The following MYO9B variants were observed in gnomAD, a reference collection of about 807,000 sequenced individuals.
MYO9B encodes the protein unconventional myosin-IXb.
A neutral mutation model predicts 229.5 loss-of-function variants in MYO9B; 71 were observed. That is an observed-to-expected ratio of 0.31 (90% CI 0.26 to 0.38). The LOEUF is 0.38. Ranked by LOEUF, MYO9B falls within the 10% of genes least tolerant of loss-of-function variation. The probability of loss-of-function intolerance (pLI) is 1.00; values close to 1 mark genes in which losing one functional copy is unlikely to be tolerated. For synonymous variants in MYO9B, 1,185 were observed against 1,235.8 expected, an observed-to-expected ratio of 0.96 and a Z score of 0.86; for missense variants, 2,255 against 2,920.5, an observed-to-expected ratio of 0.77 and a Z score of 5.25.
chr19:17,168,198 T>A, intron 11 of MYO9B, 134 bp downstream of exon 11: 1 of 1,234,780 alleles, frequency 8.1e-7, no homozygotes, highest in Non-Finnish European at 1.1e-6. Flanking sequence ...AGGGTCTCAC[T>A]CTGTCACCCA....
intron 2 of MYO9B, among the ~76,000 whole-genome samples, chr19:17,112,729 C>G (rs906305927): frequency 2.0e-5 from 3 of 152,212 alleles, no homozygotes; most frequent in Admixed American, 2.0e-4. Context: ...CACAAAGAAT[C>G]CCGCAGCCCC....
intron 2 of MYO9B, among the ~76,000 whole-genome samples, chr19:17,142,730 T>C (rs77221622): frequency 0.01 from 1,528 of 152,294 alleles, 25 homozygotes; most frequent in African/African-American, 0.034. Flanking sequence ...GAAGAGGTTT[T>C]TCACGTCAGG....
intron 15 of MYO9B, among the ~76,000 whole-genome samples, chr19:17,181,737 CT>C (rs1256471921): frequency 6.6e-6 from 1 of 151,738 alleles, no homozygotes; most frequent in Non-Finnish European, 1.5e-5. Context: ...GAGCCAGTTT[CT>C]TTCTTTCTTT....
chr19:17,102,264 C>G lies in MYO9B; in HGVS notation c.547C>G (p.Leu183Val), dbSNP rs746810478. 6.2e-6 allele frequency: 10 copies of G among 1,613,938 alleles called. 1 individual carries two copies. In the East Asian group the frequency reaches 1.3e-4, roughly 22 times the overall value. The change falls in exon 2 of 40, where the codon CTG becomes GTG. Residue 183 changes from leucine (L) to valine (V), a missense_variant. Physicochemically the swap from Leu to Val is conservative, Grantham distance 32. Transcript: ENST00000682292. The part of the protein sequence containing the change: ...QKIYTYAGSI[L>V]VAINPFKFLP... ...GATCTACACGTACGCGGGGAGCATCCTGGTGGCCATCAACCCCTTTAAGTT... is the reference window on the plus strand; with the variant it reads ...GATCTACACGTACGCGGGGAGCATCGTGGTGGCCATCAACCCCTTTAAGTT...
intron 7 of MYO9B, 39 bp downstream of exon 7, chr19:17,157,077 C>T (rs1352011121): frequency 1.9e-6 from 3 of 1,596,474 alleles, no homozygotes; most frequent in South Asian, 1.1e-5. Flanking sequence ...AGGCCTGGCT[C>T]AGGGCCGCTG....
chr19:17,088,743 T>A (rs2057608430), intron 1 of MYO9B, among the ~76,000 whole-genome samples: 1 of 152,172 alleles, frequency 6.6e-6, no homozygotes, highest in Non-Finnish European at 1.5e-5. Flanking sequence ...CAGGCTGGAG[T>A]GCAGTGGCGC....
intron 2 of MYO9B, among the ~76,000 whole-genome samples, chr19:17,121,463 A>ATATATATATATATATATCTATC (rs1030275525): frequency 6.7e-6 from 1 of 149,904 alleles, no homozygotes; most frequent in African/African-American, 2.5e-5. Flanking sequence ...ATATATATAT[A>ATATATATATATATATATCTATC]TCCAAGAGCT....
chr19:17,102,159 T>C lies in MYO9B; in HGVS notation c.442T>C (p.Phe148Leu). Residue 148 changes from phenylalanine to leucine, a missense_variant, in exon 2 of 40, where the codon TTT becomes CTT. Physicochemically the swap from Phe to Leu is conservative, Grantham distance 22. This residue lies in a region of MYO9B where 386 missense variants were observed against 515.2 expected (regional missense o/e 0.75). Transcript: ENST00000682292. ...CCTCCTGCCACGGCAGCAGGCGGAC[T>C]TTGATGACCTGTGTAACCTCCCCGA... ...RGLLPRQQAD[F>L]DDLCNLPELT... The C allele has an allele frequency of 1.2e-6, 2 of 1,613,810 alleles. No individual in the cohort carries two copies. The highest frequency in any genetic ancestry group is 1.7e-6 in the Non-Finnish European group (2 of 1,179,872).
intron 30 of MYO9B, among the ~76,000 whole-genome samples, chr19:17,203,818 T>C (rs1197921344): frequency 6.6e-6 from 1 of 151,884 alleles, no homozygotes; most frequent in Non-Finnish European, 1.5e-5. Context: ...TGCCTCTCTG[T>C]CTCTGTACAC....
chr19:17,099,392 G>A (rs951992076), intron 1 of MYO9B: 1 of 152,132 alleles, frequency 6.6e-6, no homozygotes, highest in Non-Finnish European at 1.5e-5. Context: ...AGGAGGGTGA[G>A]GGTGAACAAA....
chr19:17,080,461 C>A (rs140538952), intron 1 of MYO9B, among the ~76,000 whole-genome samples: 1 of 152,166 alleles, frequency 6.6e-6, no homozygotes, highest in Non-Finnish European at 1.5e-5. Context: ...GTCTTCACAT[C>A]GTCCTCCCTC....
intron 15 of MYO9B, among the ~76,000 whole-genome samples, chr19:17,183,419 TC>T (rs1212250024): frequency 6.6e-6 from 1 of 152,012 alleles, no homozygotes; most frequent in Non-Finnish European, 1.5e-5. Flanking sequence ...CTGCTCAGGC[TC>T]CCTCCGCCCC....
rs1395412830 is a variant in MYO9B, at chr19:17,148,961, A to G, written c.935+3470A>G. ...GGATGATCCTGAGGCCTTTAACTTA[A>G]TGGCCTCTGCAAAGATCCTTTTTTA... On this transcript the variant is annotated intron_variant, in intron 3 of 39. Transcript: ENST00000682292. Among the ~76,000 whole-genome samples the G allele has an allele frequency of 2.6e-5, 4 of 151,952 alleles. No individual in the cohort carries two copies. The East Asian group carries it at 5.8e-4, about 22-fold the overall frequency.
chr19:17,210,681 G>T, intron 37 of MYO9B, 34 bp from the exon 38 acceptor site: 2 of 1,505,068 alleles, frequency 1.3e-6, no homozygotes, highest in Non-Finnish European at 1.8e-6. Context: ...CCCACTCAGA[G>T]ATGTCAGTGG....
chr19:17,172,637 G>T lies in MYO9B; in HGVS notation c.1936-122G>T. 1.4e-6 allele frequency: 2 copies of T among 1,467,764 alleles called. No homozygotes were observed. The highest frequency in any genetic ancestry group is 1.2e-5 in the South Asian group (1 of 81,594). 90.9% of individuals were successfully genotyped at this position (1,467,764 alleles called of 1,614,324 possible). A position where few individuals can be genotyped will look rare whatever the true frequency, so the allele number is the denominator to read the frequency against. ...TCCAAGGCGCCATAGTTCAAGAACTGCCATTTGCACTTAGGATGGGCCCCA... is the reference window on the plus strand; with the variant it reads ...TCCAAGGCGCCATAGTTCAAGAACTTCCATTTGCACTTAGGATGGGCCCCA... On this transcript the variant is annotated intron_variant, in intron 12 of 39. Coordinates refer to ENST00000682292, the MANE Select transcript of MYO9B (RefSeq NM_004145.4). This position sits in a 1 kb window ranked among gnomAD's most constrained non-coding sequence, Gnocchi z 8.2.
chr19:17,086,842 T>G (rs1258157988), intron 1 of MYO9B, among the ~76,000 whole-genome samples: 2 of 150,460 alleles, frequency 1.3e-5, no homozygotes, highest in Non-Finnish European at 2.9e-5. Context: ...ATAGCGCTAC[T>G]GCACTTCAGC....
At position 17,165,616 on chromosome 19, in the gene MYO9B, T is replaced by A. The variant is rs934518607; in HGVS notation, c.1672-2327T>A. Among the ~76,000 whole-genome samples, 10 of 151,612 alleles carry A rather than the reference T, an allele frequency of 6.6e-5. No homozygotes were observed. The East Asian group carries it at 9.7e-4, about 15-fold the overall frequency. On this transcript the variant is annotated intron_variant, in intron 10 of 39. Coordinates refer to ENST00000682292, the MANE Select transcript of MYO9B (RefSeq NM_004145.4). ...GAGATGGAGTTTCTGCGAAAAAAAA[T>A]TTTTTTATTAACCAGGCATATAGTG...
chr19:17,176,684 A>G (rs2072793393), intron 14 of MYO9B, among the ~76,000 whole-genome samples: 1 of 152,146 alleles, frequency 6.6e-6, no homozygotes, highest in Non-Finnish European at 1.5e-5. Context: ...GTAGAGCCCA[A>G]GCATCGATGG....
chr19:17,138,855 A>G (rs940919195), intron 2 of MYO9B, among the ~76,000 whole-genome samples: 4 of 152,274 alleles, frequency 2.6e-5, no homozygotes, highest in Admixed American at 2.6e-4. Flanking sequence ...ATATGTAACC[A>G]CTAATAGGCT....
Sources: allele counts gnomAD v4.1 joint callset (sites outside exome capture counted in the v4.1 genomes callset), GRCh38; gene constraint gnomAD v4.1.1; regional missense constraint gnomAD v4.1.1; non-coding constraint Gnocchi (gnomAD v3.1); transcripts MANE v1.5; gene names NCBI Gene and HGNC (gene_info 2026-07-23, HGNC 2026-07-21).